MAX: variants seen among roughly 807,000 people sequenced by gnomAD.
The protein encoded by MAX is MYC associated transcriptional regulator X.
MAX carries 3 observed loss-of-function variants against 22.3 expected under a neutral mutation model. That is an observed-to-expected ratio of 0.13 (90% CI 0.06 to 0.35). The LOEUF is 0.35. MAX is among the 10% of genes least tolerant of loss of function. The pLI, the probability that MAX is intolerant of heterozygous loss-of-function variation, is 1.00. For synonymous variants in MAX, 72 were observed against 77.7 expected (o/e 0.93, Z 0.39); for missense variants, 119 against 209.4 (o/e 0.57, Z 2.66).
Position 65,029,264 on chromosome 14 carries a change from C to G in MAX, c.172-22980G>C, listed in dbSNP as rs1333700397. ...TTGCCTGGTTTCTAGTACCCCGATT[C>G]CATCATTTTTCACTTGGCATTTCTT... On this transcript the variant is annotated intron_variant, in intron 3 of 3. Coordinates refer to the MAX transcript ENST00000341653. The surrounding 1 kb of genome is among the most constrained non-coding windows in gnomAD (Gnocchi z 4.7). Among the ~76,000 whole-genome samples the G allele has an allele frequency of 6.6e-6, 1 of 152,190 alleles. No homozygotes were observed. The highest frequency in any genetic ancestry group is 1.5e-5 in the Non-Finnish European group (1 of 68,036).
chr14:65,068,011 A>G (rs2062948765), intron 3 of MAX, among the ~76,000 whole-genome samples: 1 of 152,124 alleles, frequency 6.6e-6, no homozygotes, highest in African/African-American at 2.4e-5. Flanking sequence ...CATACTATCA[A>G]CCTGCTTCAT....
intron 3 of MAX, among the ~76,000 whole-genome samples, chr14:65,057,395 G>T: frequency 6.6e-6 from 1 of 152,190 alleles, no homozygotes; most frequent in Non-Finnish European, 1.5e-5. Flanking sequence ...CTCCAGTCTG[G>T]GAGATAGAGT....
chr14:65,027,321 G>A lies in MAX; in HGVS notation c.172-21037C>T. On this transcript the variant is annotated intron_variant, in intron 3 of 3. Coordinates refer to the MAX transcript ENST00000341653. The surrounding 1 kb of genome is among the most constrained non-coding windows in gnomAD (Gnocchi z 5.7). ...TTTGGGGAGAGGTTATATTCAACAA[G>A]TGGGAGGAGAGGTTCCCCTCAACTT... 2.1e-6 allele frequency: 3 copies of A among 1,400,608 alleles called. No individual in the cohort carries two copies. The highest frequency in any genetic ancestry group is 2.9e-6 in the Non-Finnish European group (3 of 1,027,188). 86.8% of individuals were successfully genotyped at this position (1,400,608 alleles called of 1,614,324 possible). A position where few individuals can be genotyped will look rare whatever the true frequency, so the allele number is the denominator to read the frequency against.
At chr14:65,042,920 C>T (rs2062384533) in intron 3 of MAX, among the ~76,000 whole-genome samples, 1 of 152,176 alleles carries the variant, frequency 6.6e-6, no homozygotes, top group Non-Finnish European at 1.5e-5. Context: ...CCTGAACCTG[C>T]AGTACAGTGT....
In MAX at chr14:65,026,726, A is replaced by G. The variant is rs528145806; in HGVS notation, c.172-20442T>C. Among the ~76,000 whole-genome samples, 313 of 152,088 alleles carry G rather than the reference A, an allele frequency of 2.1e-3. 1 individual carries two copies. The highest frequency in any genetic ancestry group is 7.0e-3 in the African/African-American group (291 of 41,494). ...AAATACAAAAAATTGGCTGGGCGTG[A>G]TGGTGCACGCCTGTAATCCCAGCTA... On this transcript the variant is annotated intron_variant, in intron 3 of 3. Coordinates refer to the MAX transcript ENST00000341653.
chr14:65,048,750 G>A (rs1466231504), intron 3 of MAX, among the ~76,000 whole-genome samples: 1 of 152,186 alleles, frequency 6.6e-6, no homozygotes, highest in Non-Finnish European at 1.5e-5. Flanking sequence ...AGCTACTCAG[G>A]AGGCTGAGGT....
In MAX at chr14:65,054,820, G is replaced by C; in HGVS notation, c.171+38888C>G. 1 of 1,002,396 alleles carries C rather than the reference G, an allele frequency of 1.0e-6. No individual in the cohort carries two copies. The allele number at this position is 1,002,396 out of a possible 1,614,324, so 62.1% of individuals were successfully genotyped here. On this transcript the variant is annotated intron_variant, in intron 3 of 3. Transcript: ENST00000341653. The surrounding 1 kb of genome is among the most constrained non-coding windows in gnomAD (Gnocchi z 4.4). ...GAAGCTTGTGGTCCCTCTGCCCTTCGAGCTGTGCAGCCGTTAGTGAGGATG... is the reference window on the plus strand; with the variant it reads ...GAAGCTTGTGGTCCCTCTGCCCTTCCAGCTGTGCAGCCGTTAGTGAGGATG...
intron 3 of MAX, among the ~76,000 whole-genome samples, chr14:65,042,613 G>A (rs1316492465): frequency 1.3e-5 from 2 of 152,240 alleles, no homozygotes; most frequent in Admixed American, 6.5e-5. Flanking sequence ...TGGTCTGGGG[G>A]TTAGGGACCC....
intron 1 of MAX, among the ~76,000 whole-genome samples, chr14:65,102,076 G>A (rs1595190106): frequency 6.6e-6 from 1 of 152,174 alleles, no homozygotes; most frequent in East Asian, 1.9e-4. Flanking sequence ...AGGAGGTGGG[G>A]GTCCCAGAAG....
At chr14:65,081,775 G>C (rs901022318) in intron 3 of MAX, among the ~76,000 whole-genome samples, 1 of 152,140 alleles carries the variant, frequency 6.6e-6, no homozygotes, top group Non-Finnish European at 1.5e-5. Context: ...AACAGAAATG[G>C]CTCTTTAAAT....
chr14:65,050,097 A>T (rs2062573809), intron 3 of MAX, among the ~76,000 whole-genome samples: 1 of 152,204 alleles, frequency 6.6e-6, no homozygotes, highest in South Asian at 2.1e-4. Flanking sequence ...ACAAGGGGCA[A>T]GTATAAGAAA....
rs2062011803 is a variant in MAX at position 65,027,837 on chromosome 14, A to G, written c.172-21553T>C. The G allele has an allele frequency of 6.2e-6, 10 of 1,606,996 alleles. No homozygotes were observed. Among genetic ancestry groups the G allele is most frequent in the Admixed American group, 3.4e-5 (2 of 59,410 alleles). The stretch of plus-strand genomic sequence containing the variant: ...CAGTTGACTCTAGAGCTCATCTGCC[A>G]TTAGAGATGCCAAGCCTAAGGAACA... On this transcript the variant is annotated intron_variant, in intron 3 of 3. Transcript: ENST00000341653. The surrounding 1 kb of genome is among the most constrained non-coding windows in gnomAD (Gnocchi z 5.7).
At chr14:65,013,425 A>G (rs762759946) in intron 3 of MAX, among the ~76,000 whole-genome samples, 1 of 151,724 alleles carries the variant, frequency 6.6e-6, no homozygotes, top group Non-Finnish European at 1.5e-5. Flanking sequence ...ATACACATCC[A>G]TGGGCTAGAT....
intron 3 of MAX, chr14:65,083,691 C>T: frequency 9.7e-7 from 1 of 1,035,108 alleles, no homozygotes; most frequent in South Asian, 4.2e-5. Flanking sequence ...TCTTGTTCCC[C>T]TAAGAACCAA....
chr14:65,048,835 A>G (rs1039670714), intron 3 of MAX, among the ~76,000 whole-genome samples: 2 of 152,022 alleles, frequency 1.3e-5, no homozygotes, highest in Admixed American at 6.6e-5. Context: ...TGAGCGACAG[A>G]GCAAGACTTT....
At position 65,054,740 on chromosome 14, in the gene MAX, C is replaced by T; in HGVS notation, c.171+38968G>A. 6.5e-7 allele frequency: 1 copy of T among 1,546,662 alleles called. No individual in the cohort carries two copies. Among genetic ancestry groups the T allele is most frequent in the Non-Finnish European group, 8.8e-7 (1 of 1,139,744 alleles). On this transcript the variant is annotated intron_variant, in intron 3 of 3. Coordinates refer to the MAX transcript ENST00000341653. This position sits in a 1 kb window ranked among gnomAD's most constrained non-coding sequence, Gnocchi z 4.4. ...CCCTTCTCCACAGGGACCTCGCGGA[C>T]AGAAGGCTTTCCAAGTAAGCAGAAC...
At chr14:65,016,096 T>C (rs1449296753) in intron 3 of MAX, among the ~76,000 whole-genome samples, 2 of 152,200 alleles carry the variant, frequency 1.3e-5, no homozygotes, top group South Asian at 2.1e-4. Context: ...TGAACAAAAA[T>C]GCCTTTGCCT....
chr14:65,015,410 C>CTTTTTTTTTTTTTTTTTTT (rs888923691), intron 3 of MAX: 1 of 153,158 alleles, frequency 6.5e-6, no homozygotes, highest in Non-Finnish European at 1.3e-5. Context: ...GCCTTGTTAT[C>CTTTTTTTTTTTTTTTTTTT]TTTTTTTTTT....
chr14:65,057,215 A>G (rs1224082355), intron 3 of MAX, among the ~76,000 whole-genome samples: 1 of 152,144 alleles, frequency 6.6e-6, no homozygotes, highest in African/African-American at 2.4e-5. Flanking sequence ...TTTTGTGGGG[A>G]CAAATAAACC....
Sources: allele counts gnomAD v4.1 joint callset (sites outside exome capture counted in the v4.1 genomes callset), GRCh38; gene constraint gnomAD v4.1.1; non-coding constraint Gnocchi (gnomAD v3.1); transcripts MANE v1.5; gene names NCBI Gene and HGNC (gene_info 2026-07-23, HGNC 2026-07-21).